Variants in MTHFD2L observed in about 807,000 individuals in gnomAD.
MTHFD2L encodes the protein methylenetetrahydrofolate dehydrogenase (NADP+ dependent) 2 like.
A neutral mutation model predicts 34.9 loss-of-function variants in MTHFD2L; 29 were observed. The ratio of observed to expected loss-of-function variants is 0.83; its 90% CI spans 0.62 to 1.13. MTHFD2L has a LOEUF of 1.13. Ranked by LOEUF, MTHFD2L falls within the 50% of genes most tolerant of loss-of-function variation. The pLI, the probability that MTHFD2L is intolerant of heterozygous loss-of-function variation, is 0.00. For missense variants in MTHFD2L, 481 were observed against 446.5 expected, an observed-to-expected ratio of 1.08 and a Z score of -0.70; for synonymous variants, 167 against 155.7, an observed-to-expected ratio of 1.07 and a Z score of -0.54.
At chr4:74,263,131 A>ATGTG (rs146705039) in intron 6 of MTHFD2L, among the ~76,000 whole-genome samples, 1 of 151,454 alleles carries the variant, frequency 6.6e-6, no homozygotes, top group Middle Eastern at 3.2e-3. Context: ...ATGTATATTT[A>ATGTG]TGTGTGTGTG....
rs10585551 is a variant in MTHFD2L, at chr4:74,291,003, C to CTTTTTTTTTTTTTTTTTTTTT, written c.931+9465_931+9485dup. On this transcript the variant is annotated intron_variant, in intron 7 of 7. Transcript: ENST00000325278. ...CTGTCTTACATTTATTTTTCCTTTT[C>CTTTTTTTTTTTTTTTTTTTTT]TTTTTTTTTTTTTTTTTTTTTTTTT... Among the ~76,000 whole-genome samples the CTTTTTTTTTTTTTTTTTTTTT allele has an allele frequency of 2.0e-3, 58 of 29,278 alleles. 16 individuals carry two copies. The highest frequency in any genetic ancestry group is 6.8e-3 in the East Asian group (5 of 730). The allele number at this position is 29,278 out of a possible 152,430, so 19.2% of individuals were successfully genotyped here. A position where few individuals can be genotyped will look rare whatever the true frequency, so the allele number is the denominator to read the frequency against.
chr4:74,130,734 C>G (rs1448844638), intron 1 of MTHFD2L, among the ~76,000 whole-genome samples: 1 of 152,084 alleles, frequency 6.6e-6, no homozygotes, highest in Non-Finnish European at 1.5e-5. Flanking sequence ...AAGTTCTGGC[C>G]AGGGCAATCA....
chr4:74,173,366 A>G (rs1197488470), intron 1 of MTHFD2L, among the ~76,000 whole-genome samples: 1 of 152,146 alleles, frequency 6.6e-6, no homozygotes, highest in African/African-American at 2.4e-5. Flanking sequence ...AAATACTTAT[A>G]AACTGCCAGG....
chr4:74,143,496 A>G, intron 1 of MTHFD2L: 1 of 946,668 alleles, frequency 1.1e-6, no homozygotes, highest in Admixed American at 6.2e-5. Context: ...GGGGCCATGG[A>G]TGGAAGGGGC....
In MTHFD2L at chr4:74,195,012, G is replaced by A. The variant is rs916328590; in HGVS notation, c.452-4782G>A. On this transcript the variant is annotated intron_variant, in intron 3 of 7. Coordinates refer to ENST00000325278, the MANE Select transcript of MTHFD2L (RefSeq NM_001144978.3). ...GTTTTTCTTTTAACAGTGAGAATGT[G>A]GTATTTAAGAAAACATTTGAAAGAA... The A allele has an allele frequency of 3.3e-5, 5 of 152,276 alleles. No homozygotes were observed. In the South Asian group the frequency reaches 1.0e-3, roughly 32 times the overall value. 9.4% of individuals were successfully genotyped at this position (152,276 alleles called of 1,614,324 possible).
chr4:74,226,737 A>G (rs1173635567), intron 6 of MTHFD2L, among the ~76,000 whole-genome samples: 1 of 152,198 alleles, frequency 6.6e-6, no homozygotes, highest in African/African-American at 2.4e-5. Flanking sequence ...TTCAATAAAT[A>G]TTGGACCCTT....
Position 74,267,746 on chromosome 4 carries a change from G to A in MTHFD2L, c.806-13679G>A, listed in dbSNP as rs954096507. 1.1e-5 allele frequency: 11 copies of A among 985,266 alleles called. No homozygotes were observed. In the African/African-American group the frequency reaches 1.7e-4, roughly 16 times the overall value. The allele number at this position is 985,266 out of a possible 1,614,324, so 61.0% of individuals were successfully genotyped here. A position where few individuals can be genotyped will look rare whatever the true frequency, so the allele number is the denominator to read the frequency against. On this transcript the variant is annotated intron_variant, in intron 6 of 7. Transcript: ENST00000325278. Reference sequence around the variant, plus strand: ...AGAGAATAAGGTTTGATTGATGGGAGGAAGAAAAGAGAAGCACACATTTGG... The same window carrying A: ...AGAGAATAAGGTTTGATTGATGGGAAGAAGAAAAGAGAAGCACACATTTGG...
At chr4:74,271,535 T>C (rs1010225999) in intron 6 of MTHFD2L, among the ~76,000 whole-genome samples, 5 of 152,260 alleles carry the variant, frequency 3.3e-5, no homozygotes, top group African/African-American at 1.2e-4. Context: ...TCTATATCTC[T>C]ATTTTGGTAC....
intron 1 of MTHFD2L, among the ~76,000 whole-genome samples, chr4:74,163,414 AG>A (rs1193463261): frequency 4.6e-5 from 7 of 152,250 alleles, no homozygotes; most frequent in Non-Finnish European, 1.0e-4. Context: ...TTAGCATCTA[AG>A]GTTCTTTCTG....
intron 5 of MTHFD2L, among the ~76,000 whole-genome samples, chr4:74,212,863 G>A (rs1356728592): frequency 1.1e-4 from 17 of 152,106 alleles, no homozygotes; most frequent in African/African-American, 2.4e-5. Context: ...ACTTGCTTAT[G>A]AATCTGGGTG....
intron 6 of MTHFD2L, among the ~76,000 whole-genome samples, chr4:74,272,095 G>A (rs533958743): frequency 5.1e-4 from 78 of 152,298 alleles, no homozygotes; most frequent in African/African-American, 1.8e-3. Flanking sequence ...GGATACAAAG[G>A]TATTGGTAAG....
intron 5 of MTHFD2L, among the ~76,000 whole-genome samples, chr4:74,210,563 G>A (rs1398976225): frequency 2.0e-5 from 3 of 152,084 alleles, no homozygotes; most frequent in African/African-American, 7.2e-5. Context: ...ATCTGTTTCG[G>A]TACCAGTACC....
intron 6 of MTHFD2L, among the ~76,000 whole-genome samples, chr4:74,257,506 T>C (rs1013018967): frequency 2.6e-5 from 4 of 152,174 alleles, no homozygotes; most frequent in African/African-American, 9.6e-5. Context: ...AAATAGACTT[T>C]AAGTCAAAAA....
intron 7 of MTHFD2L, among the ~76,000 whole-genome samples, chr4:74,281,935 C>G (rs1247549589): frequency 6.6e-6 from 1 of 152,110 alleles, no homozygotes; most frequent in Non-Finnish European, 1.5e-5. Context: ...CTCAGCCATT[C>G]ACTCTTAGAG....
chr4:74,192,065 A>G (rs959106523), intron 3 of MTHFD2L, among the ~76,000 whole-genome samples: 1 of 152,008 alleles, frequency 6.6e-6, no homozygotes, highest in African/African-American at 2.4e-5. Context: ...TGTACTGTGG[A>G]TCAGTGAAAA....
chr4:74,155,793 G>A (rs1724201431), upstream of MTHFD2L, among the ~76,000 whole-genome samples: 2 of 151,462 alleles, frequency 1.3e-5, no homozygotes, highest in Non-Finnish European at 2.9e-5. Flanking sequence ...CAGGAGTAAA[G>A]AATATTTCCT....
intron 6 of MTHFD2L, among the ~76,000 whole-genome samples, chr4:74,261,814 T>C (rs1744712998): frequency 6.6e-6 from 1 of 152,018 alleles, no homozygotes; most frequent in South Asian, 2.1e-4. Context: ...GCTTGCTACC[T>C]AAGTTATAAG....
intron 1 of MTHFD2L, among the ~76,000 whole-genome samples, chr4:74,164,476 G>A (rs1726208007): frequency 6.6e-6 from 1 of 152,194 alleles, no homozygotes. Flanking sequence ...ACAAGCCCAT[G>A]GAAACAGCAC....
intron 1 of MTHFD2L, among the ~76,000 whole-genome samples, chr4:74,128,855 A>C (rs575399894): frequency 6.6e-5 from 10 of 152,030 alleles, no homozygotes; most frequent in African/African-American, 2.4e-4. Context: ...TCCATTCAGC[A>C]CCTCTATAAC....
Sources: gnomAD v4.1 joint callset for allele counts (sites outside exome capture counted in the v4.1 genomes callset) on GRCh38, gnomAD v4.1.1 for gene constraint, MANE v1.5 for transcripts, NCBI Gene and HGNC (gene_info 2026-07-23, HGNC 2026-07-21) for gene names.